The following RIF1 variants were observed in gnomAD, a reference collection of about 807,000 sequenced individuals.
The protein encoded by RIF1 is telomere-associated protein RIF1.
A neutral mutation model predicts 247.1 loss-of-function variants in RIF1; 45 were observed. The ratio of observed to expected loss-of-function variants is 0.18; its 90% CI spans 0.14 to 0.23. The LOEUF (loss-of-function observed/expected upper bound fraction) is 0.23. RIF1 is among the 10% of genes least tolerant of loss of function. RIF1 has a pLI of 1.00. For synonymous variants in RIF1, 1,087 were observed against 978.8 expected, an observed-to-expected ratio of 1.11 and a Z score of -2.06; for missense variants, 2,967 against 2,862.5, an observed-to-expected ratio of 1.04 and a Z score of -0.83.
At chr2:151,473,084 C>A (rs888702234) in intron 34 of RIF1, among the ~76,000 whole-genome samples, 12 of 151,984 alleles carry the variant, frequency 7.9e-5, no homozygotes, top group African/African-American at 2.9e-4. Context: ...GGGTTGTTTC[C>A]ACCATTTGCT....
At chr2:151,444,344 C>G (rs1474588226) in intron 18 of RIF1, among the ~76,000 whole-genome samples, 1 of 152,214 alleles carries the variant, frequency 6.6e-6, no homozygotes, top group East Asian at 1.9e-4. Context: ...GAATCTCACT[C>G]TGTCACCCAG....
the RIF1 span, chr2:151,519,070 C>G: frequency 3.8e-6 from 6 of 1,593,750 alleles, no homozygotes; most frequent in South Asian, 6.6e-5. Flanking sequence ...TGTATTTAAC[C>G]TGTGTGTTAT....
chr2:151,488,384 T>C (rs2052957727), intron 9 of RIF1, among the ~76,000 whole-genome samples: 1 of 151,410 alleles, frequency 6.6e-6, no homozygotes, highest in Admixed American at 6.6e-5. Context: ...GAGTGGCTGA[T>C]GCCTGTAATC....
intron 33 of RIF1, among the ~76,000 whole-genome samples, chr2:151,469,504 A>C (rs534176126): frequency 6.6e-6 from 1 of 152,274 alleles, no homozygotes; most frequent in East Asian, 1.9e-4. Context: ...CAGTGGGCTC[A>C]TTCAGTTGCC....
chr2:151,498,101 A>AT, intron 10 of RIF1: 1 of 1,480,188 alleles, frequency 6.8e-7, no homozygotes, highest in Non-Finnish European at 9.0e-7. Flanking sequence ...AAAAATTGAC[A>AT]TTAACTGTAT....
intron 9 of RIF1, chr2:151,492,003 T>G: frequency 7.7e-7 from 1 of 1,300,692 alleles, no homozygotes; most frequent in Non-Finnish European, 1.1e-6. Flanking sequence ...CAGATTGAAG[T>G]CCTTTATGTT....
intron 14 of RIF1, among the ~76,000 whole-genome samples, chr2:151,439,116 G>C (rs1430369215): frequency 6.6e-6 from 1 of 152,124 alleles, no homozygotes; most frequent in African/African-American, 2.4e-5. Context: ...AAGAATGTTA[G>C]GAAAATCATA....
intron 20 of RIF1, among the ~76,000 whole-genome samples, chr2:151,448,660 G>A (rs573409844): frequency 2.0e-5 from 3 of 152,140 alleles, no homozygotes; most frequent in African/African-American, 7.2e-5. Flanking sequence ...ACCTAATCGC[G>A]CTTGTTTATT....
chr2:151,496,907 A>C, intron 10 of RIF1: 1 of 1,505,176 alleles, frequency 6.6e-7, no homozygotes, highest in Non-Finnish European at 9.0e-7. Flanking sequence ...TTTTAAAATC[A>C]GTAAGTAGTT....
Position 151,411,452 on chromosome 2 carries a change from A to G in RIF1, c.183+114A>G, listed in dbSNP as rs1001333592. 2.3e-5 allele frequency: 15 copies of G among 642,206 alleles called. No individual in the cohort carries two copies. The African/African-American group carries it at 2.6e-4, about 11-fold the overall frequency. The allele number at this position is 642,206 out of a possible 1,614,324, so 39.8% of individuals were successfully genotyped here. ...GCTCTTGTTGCCCAGGCGAGAGTGC[A>G]ATGGCTCAGGCTCGGGCTCGGCTCA... On this transcript the variant is annotated intron_variant, in intron 3 of 35. Transcript: ENST00000444746.
At chr2:151,492,797 C>G (rs972769824) in intron 9 of RIF1, 2 of 219,988 alleles carry the variant, frequency 9.1e-6, no homozygotes, top group Admixed American at 1.1e-4. Context: ...TCAACATATT[C>G]GATGGTATTT....
intron 15 of RIF1, among the ~76,000 whole-genome samples, chr2:151,441,568 G>A (rs1188806461): frequency 3.3e-5 from 5 of 152,178 alleles, no homozygotes; most frequent in African/African-American, 4.8e-5. Context: ...AGGAATGTGT[G>A]TATAACTGGC....
rs1416785860 is a variant in RIF1 at position 151,409,976 on chromosome 2, G to A, written c.-68G>A. On this transcript the variant is annotated 5_prime_UTR_variant, in exon 1 of 36. Coordinates refer to ENST00000444746, the MANE Select transcript of RIF1 (RefSeq NM_018151.5). ...GCCGGAGCTGGGAAAGTCGAGCTCTGGCAGCGTCTGGGTGCTGAGGGGCAG... is the reference window on the plus strand; with the variant it reads ...GCCGGAGCTGGGAAAGTCGAGCTCTAGCAGCGTCTGGGTGCTGAGGGGCAG... 8 of 702,078 alleles carry A rather than the reference G, an allele frequency of 1.1e-5. No homozygotes were observed. The Admixed American group carries it at 1.6e-4, about 14-fold the overall frequency. The allele number at this position is 702,078 out of a possible 1,614,324, so 43.5% of individuals were successfully genotyped here.
Position 151,465,560 on chromosome 2 carries a change from A to G in RIF1, c.6040A>G (p.Thr2014Ala). 1 of 1,614,006 alleles carries G rather than the reference A, an allele frequency of 6.2e-7. No homozygotes were observed. The change falls in exon 30 of 36, where the codon ACG (threonine) becomes GCG (alanine). Residue 2014 changes from threonine to alanine, a missense_variant. By Grantham distance (58) the Thr-to-Ala change is moderately conservative. Coordinates refer to ENST00000444746, the MANE Select transcript of RIF1 (RefSeq NM_018151.5). The stretch of plus-strand genomic sequence containing the variant: ...ATCTGATCTACACTCATCTGAAGAA[A>G]CGAATACCAAAATGAAAAATAATGA... The part of the protein sequence containing the change: ...DVSDLHSSEE[T>A]NTKMKNNEEM...
the RIF1 span, chr2:151,525,199 C>T: frequency 6.2e-7 from 1 of 1,613,954 alleles, no homozygotes; most frequent in Non-Finnish European, 8.5e-7. Flanking sequence ...TAGCATGTTT[C>T]ACCTCTGGTG....
At chr2:151,513,450 A>T in the RIF1 span, 2 of 678,796 alleles carry the variant, frequency 2.9e-6, no homozygotes, top group Non-Finnish European at 2.5e-6. Flanking sequence ...GGCTTCCTCC[A>T]GGCAGATGTT....
intron 11 of RIF1, chr2:151,501,509 A>C: frequency 1.5e-6 from 2 of 1,367,194 alleles, no homozygotes; most frequent in Non-Finnish European, 2.0e-6. Context: ...CAACAAACAA[A>C]TCAACCTGGA....
chr2:151,427,791 A>G (rs1689384177), intron 8 of RIF1, among the ~76,000 whole-genome samples: 1 of 141,458 alleles, frequency 7.1e-6, no homozygotes, highest in Non-Finnish European at 1.5e-5. Flanking sequence ...TTAGGCCGGC[A>G]TGGTGGCTCA....
chr2:151,445,202 G>A, intron 18 of RIF1, 136 bp from the exon 19 acceptor site: 1 of 650,354 alleles, frequency 1.5e-6, no homozygotes, highest in South Asian at 1.8e-5. Context: ...GGTTCGAGGG[G>A]TTAAGAGTTA....
Sources: gnomAD v4.1 joint callset for allele counts (sites outside exome capture counted in the v4.1 genomes callset) on GRCh38, gnomAD v4.1.1 for gene constraint, MANE v1.5 for transcripts, NCBI Gene and HGNC (gene_info 2026-07-23, HGNC 2026-07-21) for gene names.